Variants in PAK3 observed in about 807,000 individuals in gnomAD.
PAK3 encodes p21 (RAC1) activated kinase 3.
Under a neutral mutation model 41.0 loss-of-function variants are expected in PAK3, and 4 were observed. The observed-to-expected ratio is 0.10, with a 90% CI of 0.05 to 0.22. The LOEUF (loss-of-function observed/expected upper bound fraction) is 0.22, where lower values mean the gene tolerates loss of function less well. Among genes scored for constraint, PAK3 ranks in the 10% least tolerant of loss-of-function variants. The probability of loss-of-function intolerance (pLI) is 1.00; values close to 1 mark genes in which losing one functional copy is unlikely to be tolerated. For missense variants in PAK3, 205 were observed against 409.9 expected, an observed-to-expected ratio of 0.50 and a Z score of 4.32; for synonymous variants, 146 against 139.6, an observed-to-expected ratio of 1.05 and a Z score of -0.32.
intron 4 of PAK3, among the ~76,000 whole-genome samples, chrX:111,120,150 A>T (rs770994103): frequency 1.3e-4 from 15 of 112,090 alleles, no homozygotes; most frequent in Non-Finnish European, 2.6e-4. Flanking sequence ...TGCCTTGATT[A>T]GTTGAATGAC....
intron 4 of PAK3, among the ~76,000 whole-genome samples, chrX:111,119,418 C>T (rs2093528617): frequency 8.9e-6 from 1 of 112,040 alleles, no homozygotes. Flanking sequence ...AATGAATGGC[C>T]TGTGGCTATA....
intron 10 of PAK3, among the ~76,000 whole-genome samples, chrX:111,171,596 C>T (rs1029316529): frequency 1.8e-5 from 2 of 111,456 alleles, no homozygotes; most frequent in African/African-American, 6.5e-5. Context: ...AAGAGCCAAA[C>T]ATGATAAATT....
At chrX:110,965,837 G>A (rs889945163) in intron 1 of PAK3, among the ~76,000 whole-genome samples, 2 of 112,185 alleles carry the variant, frequency 1.8e-5, no homozygotes, top group African/African-American at 3.2e-5. Flanking sequence ...GATCCTGTGA[G>A]AGGGACTTGT....
In PAK3 at chrX:111,115,569, C is replaced by T. The variant is rs142520573; in HGVS notation, c.-27-7508C>T. 7.2e-5 allele frequency among the ~76,000 whole-genome samples: 8 copies of T among 111,364 alleles called. No homozygotes were observed. The East Asian group carries it at 2.3e-3, about 32-fold the overall frequency. On this transcript the variant is annotated intron_variant, in intron 4 of 17. Transcript: ENST00000372007. ...TAGATGTTATTTCCTCTTCCTTAAC[C>T]ATAGCTCCCAAATGAGATGTTTAAA... is the stretch of plus-strand genomic sequence containing the variant.
At chrX:111,111,861 C>T (rs1459955111) in intron 4 of PAK3, among the ~76,000 whole-genome samples, 1 of 111,453 alleles carries the variant, frequency 9.0e-6, no homozygotes, top group African/African-American at 3.3e-5. Flanking sequence ...ACAGTTAATC[C>T]TATCAAGGCT....
chrX:110,952,401 C>T (rs946972932), intron 1 of PAK3, among the ~76,000 whole-genome samples: 1 of 111,611 alleles, frequency 9.0e-6, no homozygotes, highest in African/African-American at 3.3e-5. Context: ...ATGGAGAACA[C>T]ATCTGGAAAG....
At chrX:111,037,069 C>A (rs1000162219) in intron 1 of PAK3, among the ~76,000 whole-genome samples, 1 of 111,104 alleles carries the variant, frequency 9.0e-6, no homozygotes, top group Admixed American at 9.6e-5. Context: ...CCCAGCCTCC[C>A]GAGCAGTCGG....
intron 10 of PAK3, among the ~76,000 whole-genome samples, chrX:111,164,355 A>G (rs2094226816): frequency 1.8e-5 from 2 of 111,409 alleles, no homozygotes; most frequent in African/African-American, 6.5e-5. Flanking sequence ...AAGCATATTC[A>G]TTAAACTCAT....
Position 111,142,108 on chromosome X carries a change from A to G in PAK3, c.188A>G (p.Lys63Arg). The stretch of plus-strand genomic sequence containing the variant: ...ATTTTGCCTTTAGCCAATAAGAAGA[A>G]GGAGAAAGAGCGCCCAGAGATCTCT... ...PGGGDKTNKK[K>R]EKERPEISLP... Residue 63 changes from lysine (K) to arginine (R), a missense_variant, in exon 6 of 18, where the codon AAG becomes AGG. By Grantham distance (26) the Lys-to-Arg change is conservative. Coordinates refer to ENST00000372007, the MANE Select transcript of PAK3 (RefSeq NM_002578.5). The G allele has an allele frequency of 8.4e-7, 1 of 1,183,488 alleles. No homozygotes were observed. Among genetic ancestry groups the G allele is most frequent in the Non-Finnish European group, 1.1e-6 (1 of 869,594 alleles).
intron 1 of PAK3, among the ~76,000 whole-genome samples, chrX:110,987,669 G>T (rs1222789399): frequency 8.9e-6 from 1 of 111,830 alleles, no homozygotes; most frequent in African/African-American, 3.2e-5. Context: ...GTAAAAACCT[G>T]ATATTAGTAC....
At chrX:111,217,669 T>C (rs1411743779) in intron 17 of PAK3, 1 of 731,232 alleles carries the variant, frequency 1.4e-6, no homozygotes, top group Non-Finnish European at 1.6e-6. Context: ...CTGCAAGCAT[T>C]TCACAGGTTA....
At chrX:111,178,629 A>G (rs1237137376) in intron 11 of PAK3, among the ~76,000 whole-genome samples, 2 of 110,999 alleles carry the variant, frequency 1.8e-5, no homozygotes, top group African/African-American at 3.3e-5. Flanking sequence ...ATATGTTGCT[A>G]TTATATAGAA....
chrX:111,033,478 A>C (rs780595663), intron 1 of PAK3, among the ~76,000 whole-genome samples: 215 of 112,056 alleles, frequency 1.9e-3, no homozygotes, highest in African/African-American at 6.7e-3. Flanking sequence ...TGACTCAATG[A>C]AATGGAACTT....
chrX:111,044,235 T>C (rs1234754624), intron 1 of PAK3, among the ~76,000 whole-genome samples: 1 of 111,813 alleles, frequency 8.9e-6, no homozygotes, highest in Non-Finnish European at 1.9e-5. Context: ...GTGACAGATC[T>C]TGAAAGAGAA....
intron 4 of PAK3, among the ~76,000 whole-genome samples, chrX:111,106,119 C>A (rs761789209): frequency 4.5e-5 from 5 of 111,055 alleles, no homozygotes; most frequent in African/African-American, 1.6e-4. Context: ...CACCATCCCC[C>A]ACTCGTACAT....
chrX:111,224,473 G>A lies in PAK3; in HGVS notation c.*4026G>A. ...ACAGGATATTACTGTATATCATTCA[G>A]GTAGGATTCTTCTTTTAATAACCAA... On this transcript the variant is annotated 3_prime_UTR_variant, in exon 18 of 18. Transcript: ENST00000372007. 1 of 112,136 alleles carries A rather than the reference G, an allele frequency of 8.9e-6. No homozygotes were observed. Among genetic ancestry groups the A allele is most frequent in the South Asian group, 3.8e-4 (1 of 2,664 alleles). 9.2% of individuals were successfully genotyped at this position (112,136 alleles called of 1,213,427 possible).
intron 1 of PAK3, among the ~76,000 whole-genome samples, chrX:110,982,359 C>T (rs2091463020): frequency 8.9e-6 from 1 of 112,096 alleles, no homozygotes; most frequent in African/African-American, 3.2e-5. Context: ...TGAACAAGTG[C>T]CTAAACCTCT....
At position 111,212,981 on chromosome X, in the gene PAK3, C is replaced by T. The variant is rs542899017; in HGVS notation, c.1408-3440C>T. On this transcript the variant is annotated intron_variant, in intron 16 of 17. Transcript: ENST00000372007. ...TTCACCAATAGTAATTATGGTGCAT[C>T]GACATGATGAACTATTATGCAGCTC... 2.8e-4 allele frequency among the ~76,000 whole-genome samples: 31 copies of T among 112,047 alleles called. No individual in the cohort carries two copies. In the South Asian group the frequency reaches 7.1e-3, roughly 26 times the overall value.
intron 3 of PAK3, among the ~76,000 whole-genome samples, chrX:111,098,138 C>G (rs1357296805): frequency 9.0e-6 from 1 of 110,780 alleles, no homozygotes; most frequent in African/African-American, 3.3e-5. Flanking sequence ...ATTTCCTGGT[C>G]AGAGGTGGAA....
Sources: gnomAD v4.1 joint callset for allele counts (sites outside exome capture counted in the v4.1 genomes callset) on GRCh38, gnomAD v4.1.1 for gene constraint, MANE v1.5 for transcripts, NCBI Gene and HGNC (gene_info 2026-07-23, HGNC 2026-07-21) for gene names.